Variants in CPNE8 observed in about 807,000 individuals in gnomAD.
CPNE8 encodes copine 8.
Under a neutral mutation model 81.5 loss-of-function variants are expected in CPNE8, and 45 were observed. The observed-to-expected ratio is 0.55, with a 90% CI of 0.44 to 0.71. The LOEUF (loss-of-function observed/expected upper bound fraction) is 0.71. CPNE8 is among the 30% of genes least tolerant of loss of function. CPNE8 has a pLI of 0.00. For synonymous variants in CPNE8, 252 were observed against 226.3 expected, an observed-to-expected ratio of 1.11 and a Z score of -1.02; for missense variants, 594 against 672.1, an observed-to-expected ratio of 0.88 and a Z score of 1.28.
intron 1 of CPNE8, among the ~76,000 whole-genome samples, chr12:38,891,728 T>G (rs1185713827): frequency 6.6e-6 from 1 of 152,196 alleles, no homozygotes; most frequent in African/African-American, 2.4e-5. Flanking sequence ...ATTACAGGCG[T>G]GAGCCACCAC....
intron 13 of CPNE8, among the ~76,000 whole-genome samples, chr12:38,708,028 A>G (rs1258810475): frequency 6.6e-6 from 1 of 152,224 alleles, no homozygotes; most frequent in Admixed American, 6.5e-5. Flanking sequence ...CATTGAATTC[A>G]AAATCAATAG....
At chr12:38,740,816 A>C (rs2136792410) in intron 10 of CPNE8, among the ~76,000 whole-genome samples, 1 of 152,290 alleles carries the variant, frequency 6.6e-6, no homozygotes, top group South Asian at 2.1e-4. Context: ...GGATTTTTGC[A>C]TCGATGTTCA....
At chr12:38,690,848 G>T (rs1191420460) in intron 15 of CPNE8, among the ~76,000 whole-genome samples, 3 of 152,094 alleles carry the variant, frequency 2.0e-5, no homozygotes, top group Non-Finnish European at 4.4e-5. Flanking sequence ...TCACATGAGT[G>T]ATTTTCATGG....
intron 6 of CPNE8, among the ~76,000 whole-genome samples, chr12:38,798,983 C>T (rs1224446457): frequency 6.6e-6 from 1 of 152,154 alleles, no homozygotes; most frequent in African/African-American, 2.4e-5. Flanking sequence ...GGGATCAATT[C>T]AATAAGAAGA....
intron 3 of CPNE8, among the ~76,000 whole-genome samples, chr12:38,857,591 A>G (rs1378117913): frequency 6.6e-6 from 1 of 152,206 alleles, no homozygotes; most frequent in Non-Finnish European, 1.5e-5. Context: ...TTTCTTATGT[A>G]AGGACAAATA....
intron 6 of CPNE8, among the ~76,000 whole-genome samples, chr12:38,799,808 C>A (rs941548057): frequency 2.1e-5 from 3 of 142,372 alleles, no homozygotes; most frequent in Admixed American, 1.4e-4. Flanking sequence ...GCGCACCGTG[C>A]GCGAGCCGAA....
chr12:38,832,769 G>C (rs1251419243), intron 5 of CPNE8, among the ~76,000 whole-genome samples: 1 of 152,036 alleles, frequency 6.6e-6, no homozygotes, highest in East Asian at 1.9e-4. Flanking sequence ...GAGCTCAGGT[G>C]ATCCACCTGC....
At chr12:38,722,432 C>A (rs1425477383) in intron 13 of CPNE8, among the ~76,000 whole-genome samples, 1 of 152,074 alleles carries the variant, frequency 6.6e-6, no homozygotes, top group Non-Finnish European at 1.5e-5. Flanking sequence ...TAATTAAGAG[C>A]AACAAGAGGC....
chr12:38,727,484 C>T (rs533587999), intron 11 of CPNE8, among the ~76,000 whole-genome samples: 1 of 152,130 alleles, frequency 6.6e-6, no homozygotes, highest in South Asian at 2.1e-4. Context: ...CAATTAAAAA[C>T]AAAACTTAAA....
rs144721711 is a variant in CPNE8 at position 38,890,787 on chromosome 12, C to G, written c.98+14650G>C. 3.9e-5 allele frequency among the ~76,000 whole-genome samples: 6 copies of G among 151,952 alleles called. No individual in the cohort carries two copies. The East Asian group carries it at 1.2e-3, about 29-fold the overall frequency. On this transcript the variant is annotated intron_variant, in intron 1 of 19. Transcript: ENST00000331366. Reference sequence around the variant, plus strand: ...GTAAAAGATATGTTCACTTATTTTTCTACTTAGGTATTTTATATAGGATAT... The same window carrying G: ...GTAAAAGATATGTTCACTTATTTTTGTACTTAGGTATTTTATATAGGATAT...
At chr12:38,781,608 A>G (rs1052758271) in intron 6 of CPNE8, among the ~76,000 whole-genome samples, 6 of 152,124 alleles carry the variant, frequency 3.9e-5, no homozygotes, top group African/African-American at 1.4e-4. Context: ...TACTGCATGC[A>G]TCTACTATTA....
intron 1 of CPNE8, among the ~76,000 whole-genome samples, chr12:38,884,692 T>C (rs1423369311): frequency 6.6e-6 from 1 of 152,206 alleles, no homozygotes; most frequent in African/African-American, 2.4e-5. Flanking sequence ...CTCTCCAATG[T>C]TATTGTCAGT....
intron 4 of CPNE8, among the ~76,000 whole-genome samples, chr12:38,846,145 T>C (rs774517825): frequency 7.9e-5 from 12 of 152,114 alleles, no homozygotes; most frequent in Non-Finnish European, 4.4e-5. Context: ...TATCAGGTAA[T>C]GAATGAAGAG....
chr12:38,756,476 C>T (rs1332700001), intron 10 of CPNE8, among the ~76,000 whole-genome samples: 1 of 151,844 alleles, frequency 6.6e-6, no homozygotes, highest in Non-Finnish European at 1.5e-5. Flanking sequence ...GCCTCAGTCT[C>T]CCGAGTAGCG....
chr12:38,712,718 T>A (rs1287642936), intron 13 of CPNE8, among the ~76,000 whole-genome samples: 3 of 152,134 alleles, frequency 2.0e-5, no homozygotes, highest in East Asian at 1.9e-4. Flanking sequence ...TCTTTAAAAA[T>A]TTTTTTCAAA....
intron 10 of CPNE8, among the ~76,000 whole-genome samples, chr12:38,748,018 A>AC (rs1941272732): frequency 6.6e-6 from 1 of 151,666 alleles, no homozygotes; most frequent in Non-Finnish European, 1.5e-5. Flanking sequence ...TTATTTATTT[A>AC]TTTTTTTTAT....
At chr12:38,690,692 A>T (rs1350274762) in intron 15 of CPNE8, among the ~76,000 whole-genome samples, 2 of 152,162 alleles carry the variant, frequency 1.3e-5, no homozygotes, top group East Asian at 3.8e-4. Flanking sequence ...GGAGGGGAGG[A>T]AAAAGGAAAA....
intron 14 of CPNE8, among the ~76,000 whole-genome samples, chr12:38,701,498 A>T (rs1217942036): frequency 6.6e-6 from 1 of 151,550 alleles, no homozygotes; most frequent in African/African-American, 2.4e-5. Context: ...TGTTTGTTTT[A>T]TTTTGTTTTG....
At chr12:38,760,195 A>G (rs1049213910) in intron 10 of CPNE8, among the ~76,000 whole-genome samples, 2 of 152,040 alleles carry the variant, frequency 1.3e-5, no homozygotes, top group Non-Finnish European at 2.9e-5. Flanking sequence ...TCTAGGGCAA[A>G]ATGGGATTTG....
Sources: allele counts gnomAD v4.1 joint callset (sites outside exome capture counted in the v4.1 genomes callset), GRCh38; gene constraint gnomAD v4.1.1; transcripts MANE v1.5; gene names NCBI Gene and HGNC (gene_info 2026-07-23, HGNC 2026-07-21).